Variants in DOCK11 observed in about 807,000 individuals in gnomAD.
The protein encoded by DOCK11 is dedicator of cytokinesis protein 11.
A neutral mutation model predicts 169.1 loss-of-function variants in DOCK11; 70 were observed. The observed-to-expected ratio is 0.41, with a 90% confidence interval of 0.34 to 0.51. The LOEUF (loss-of-function observed/expected upper bound fraction) is 0.51, where lower values mean the gene tolerates loss of function less well. Among genes scored for constraint, DOCK11 ranks in the 20% least tolerant of loss-of-function variants. The probability of loss-of-function intolerance (pLI) is 0.10; values close to 1 mark genes in which losing one functional copy is unlikely to be tolerated. For missense variants in DOCK11, 1,166 were observed against 1,538.8 expected (o/e 0.76, Z 4.05); for synonymous variants, 529 against 541.3 (o/e 0.98, Z 0.32).
intron 18 of DOCK11, 125 bp downstream of exon 18, chrX:118,588,603 G>A (rs925840309): frequency 1.0e-5 from 5 of 490,891 alleles, no homozygotes; most frequent in African/African-American, 4.8e-5. Flanking sequence ...AGTGACAAAT[G>A]TAATACTTTC....
At chrX:118,607,177 G>A (rs1333927474) in intron 24 of DOCK11, among the ~76,000 whole-genome samples, 3 of 89,351 alleles carry the variant, frequency 3.4e-5, no homozygotes, top group Non-Finnish European at 6.4e-5. Flanking sequence ...GTGCAGTGGT[G>A]CAATCTTGGC....
In DOCK11 at chrX:118,593,235, C is replaced by G. The variant is rs771693626; in HGVS notation, c.2161C>G (p.His721Asp). 1 of 1,198,235 alleles carries G rather than the reference C, an allele frequency of 8.3e-7. No individual in the cohort carries two copies. The highest frequency in any genetic ancestry group is 2.3e-5 in the Admixed American group (1 of 44,075). ...TCAGATTAAAATTGAGCTTCCCATT[C>G]ACCTACATCAAAAACATCATTTGCT... is the stretch of plus-strand genomic sequence containing the variant. The part of the protein sequence containing the change: ...YDEIKIELPI[H>D]LHQKHHLLFT... Residue 721 changes from histidine (H) to aspartate (D), a missense_variant, in exon 20 of 53, where the codon CAC becomes GAC. His to Asp is a moderately conservative substitution (Grantham distance 81). Coordinates refer to ENST00000276202, the MANE Select transcript of DOCK11 (RefSeq NM_144658.4).
intron 10 of DOCK11, chrX:118,569,425 T>C (rs1390452272): frequency 9.0e-6 from 1 of 111,178 alleles, no homozygotes; most frequent in East Asian, 2.8e-4. Context: ...TCAAGTACAG[T>C]AGTGACAAGG....
intron 42 of DOCK11, 139 bp downstream of exon 42, chrX:118,652,216 C>G (rs2015962695): frequency 2.4e-6 from 1 of 410,501 alleles, no homozygotes; most frequent in Admixed American, 4.6e-5. Context: ...AGGGCTTTGT[C>G]TTATACATCA....
chrX:118,615,577 A>G (rs1402278752), intron 29 of DOCK11, 23 bp from the exon 30 acceptor site: 3 of 1,124,303 alleles, frequency 2.7e-6, no homozygotes, highest in South Asian at 3.7e-5. Flanking sequence ...ATATGAGCTA[A>G]TGTATCATTT....
At chrX:118,669,414 A>G (rs894317428) in intron 45 of DOCK11, among the ~76,000 whole-genome samples, 2 of 112,081 alleles carry the variant, frequency 1.8e-5, no homozygotes, top group African/African-American at 3.2e-5. Flanking sequence ...ATTTTTCACT[A>G]TACTGGAAGC....
At chrX:118,645,836 CA>C (rs1417312012) in intron 40 of DOCK11, among the ~76,000 whole-genome samples, 1 of 101,153 alleles carries the variant, frequency 9.9e-6, no homozygotes, top group Non-Finnish European at 2.0e-5. Flanking sequence ...ATCACGAAGT[CA>C]GGAGTTCGAG....
intron 6 of DOCK11, among the ~76,000 whole-genome samples, chrX:118,547,154 A>T (rs2012315850): frequency 9.0e-6 from 1 of 111,640 alleles, no homozygotes. Context: ...AAAACAAATT[A>T]TGCTCTGATA....
intron 41 of DOCK11, among the ~76,000 whole-genome samples, chrX:118,651,622 A>G (rs2015948550): frequency 8.9e-6 from 1 of 112,318 alleles, no homozygotes; most frequent in African/African-American, 3.2e-5. Context: ...CACCTTTGCC[A>G]CAGCTACAAC....
rs200395078 is a variant in DOCK11 at position 118,531,545 on chromosome X, G to GTATA, written c.103-11162_103-11159dup. On this transcript the variant is annotated intron_variant, in intron 1 of 52. Coordinates refer to ENST00000276202, the MANE Select transcript of DOCK11 (RefSeq NM_144658.4). ...TATACAGCTTAACCATTTGAAGTGT[G>GTATA]TATATATATATATATATATATTGTT... Among the ~76,000 whole-genome samples the GTATA allele has an allele frequency of 1.3e-3, 123 of 97,109 alleles. 1 individual carries two copies. Among genetic ancestry groups the GTATA allele is most frequent in the Middle Eastern group, 5.7e-3 (1 of 176 alleles). The allele number at this position is 97,109 out of a possible 115,157, so 84.3% of individuals were successfully genotyped here.
intron 6 of DOCK11, among the ~76,000 whole-genome samples, chrX:118,559,857 T>G (rs1452421079): frequency 1.8e-5 from 2 of 111,888 alleles, no homozygotes; most frequent in African/African-American, 6.5e-5. Flanking sequence ...TGAGAATATA[T>G]GTATATATTC....
At chrX:118,583,133 A>G (rs1432837373) in intron 14 of DOCK11, among the ~76,000 whole-genome samples, 6 of 111,827 alleles carry the variant, frequency 5.4e-5, no homozygotes, top group Non-Finnish European at 1.1e-4. Flanking sequence ...TTGCAGGGAC[A>G]TGGATGAAGC....
At chrX:118,530,935 T>A (rs1031255081) in intron 1 of DOCK11, among the ~76,000 whole-genome samples, 2 of 112,073 alleles carry the variant, frequency 1.8e-5, no homozygotes, top group Non-Finnish European at 3.8e-5. Context: ...TTTCTGTTTA[T>A]AAGATTCCAG....
Position 118,598,050 on chromosome X carries a change from A to G in DOCK11, c.2406A>G (p.Lys802=). 8.4e-7 allele frequency: 1 copy of G among 1,193,595 alleles called. No homozygotes were observed. The highest frequency in any genetic ancestry group is 1.1e-6 in the Non-Finnish European group (1 of 883,880). The change falls in exon 22 of 53, where the codon AAA becomes AAG. Residue 802 remains lysine (K), a synonymous_variant. Transcript: ENST00000276202. ...ESRRQCNVDI[K]WVDGAKPLLK... Reference sequence around the variant, plus strand: ...CACAGCAATGTAACGTGGATATTAAATGGGTAGATGGTGCAAAGCCTTTGT... The same window carrying G: ...CACAGCAATGTAACGTGGATATTAAGTGGGTAGATGGTGCAAAGCCTTTGT...
At chrX:118,643,927 T>A (rs996133181) in intron 40 of DOCK11, among the ~76,000 whole-genome samples, 5 of 111,964 alleles carry the variant, frequency 4.5e-5, no homozygotes, top group African/African-American at 1.6e-4. Context: ...ATATAAGCCA[T>A]GAGTGCACTC....
At chrX:118,513,884 T>C (rs2057665922) in intron 1 of DOCK11, among the ~76,000 whole-genome samples, 1 of 111,645 alleles carries the variant, frequency 9.0e-6, no homozygotes, top group Non-Finnish European at 1.9e-5. Flanking sequence ...AGCAGCATCA[T>C]TCCAGTTGTT....
At chrX:118,511,701 G>T (rs2057651723) in intron 1 of DOCK11, among the ~76,000 whole-genome samples, 1 of 111,100 alleles carries the variant, frequency 9.0e-6, no homozygotes, top group Non-Finnish European at 1.9e-5. Context: ...GAACCTCTGG[G>T]GCTGTGTTAT....
chrX:118,559,486 G>T (rs191338176), intron 6 of DOCK11, among the ~76,000 whole-genome samples: 1 of 111,748 alleles, frequency 8.9e-6, no homozygotes, highest in African/African-American at 3.3e-5. Flanking sequence ...ACTTTAAAAA[G>T]CAATGTGTTA....
chrX:118,590,094 C>G, intron 18 of DOCK11, 116 bp from the exon 19 acceptor site: 1 of 555,159 alleles, frequency 1.8e-6, no homozygotes, highest in Middle Eastern at 5.7e-4. Context: ...CGGTGACTGC[C>G]AGGTGGGCTT....
Sources: gnomAD v4.1 joint callset for allele counts (sites outside exome capture counted in the v4.1 genomes callset) on GRCh38, gnomAD v4.1.1 for gene constraint, MANE v1.5 for transcripts, NCBI Gene and HGNC (gene_info 2026-07-23, HGNC 2026-07-21) for gene names.